LRRC4C: variants seen among roughly 807,000 people sequenced by gnomAD.
The protein encoded by LRRC4C is leucine rich repeat containing 4C.
A neutral mutation model predicts 33.6 loss-of-function variants in LRRC4C; 5 were observed. The ratio of observed to expected loss-of-function variants is 0.15; its 90% CI spans 0.08 to 0.31. LRRC4C has a LOEUF of 0.31. Ranked by LOEUF, LRRC4C falls within the 10% of genes least tolerant of loss-of-function variation. The probability of loss-of-function intolerance (pLI) is 1.00; values close to 1 mark genes in which losing one functional copy is unlikely to be tolerated. For missense variants in LRRC4C, 560 were observed against 796.7 expected (o/e 0.70, Z 3.58); for synonymous variants, 329 against 302.0 (o/e 1.09, Z -0.93).
intron 3 of LRRC4C, among the ~76,000 whole-genome samples, chr11:40,610,548 C>T (rs916903660): frequency 1.4e-5 from 2 of 145,824 alleles, no homozygotes; most frequent in African/African-American, 4.9e-5. Flanking sequence ...GAAAAAGTAA[C>T]AAAAAGCGTT....
intron 1 of LRRC4C, among the ~76,000 whole-genome samples, chr11:40,941,983 G>A (rs112143141): frequency 6.6e-6 from 1 of 152,192 alleles, no homozygotes; most frequent in East Asian, 1.9e-4. Context: ...TAAATTTATT[G>A]GCAGATATTA....
In LRRC4C at chr11:40,956,359, AGT is replaced by A. The variant is rs148525963; in HGVS notation, c.-495-22638_-495-22637del. Among the ~76,000 whole-genome samples, 281 of 151,916 alleles carry A rather than the reference AGT, an allele frequency of 1.8e-3. 8 individuals are homozygous for A. The East Asian group carries it at 0.048, about 26-fold the overall frequency. Reference sequence around the variant, plus strand: ...CTGCCTAAGTCTCAGTGATTTAGGTAGTGAGCATTGCAATTTGCTGGTAGACA... The same window carrying A: ...CTGCCTAAGTCTCAGTGATTTAGGTAGAGCATTGCAATTTGCTGGTAGACA... On this transcript the variant is annotated intron_variant, in intron 1 of 6. Transcript: ENST00000528697.
At chr11:41,264,659 C>T (rs566278783) in intron 1 of LRRC4C, among the ~76,000 whole-genome samples, 2 of 152,104 alleles carry the variant, frequency 1.3e-5, no homozygotes, top group South Asian at 2.1e-4. Context: ...ATATAAGAAA[C>T]AAGTAGTATA....
intron 3 of LRRC4C, among the ~76,000 whole-genome samples, chr11:40,430,543 A>G (rs1950880110): frequency 6.6e-6 from 1 of 152,120 alleles, no homozygotes; most frequent in Admixed American, 6.5e-5. Context: ...TCTTACATAG[A>G]TACAATTGTC....
intron 3 of LRRC4C, among the ~76,000 whole-genome samples, chr11:40,488,677 A>T (rs1293859139): frequency 6.6e-6 from 1 of 151,958 alleles, no homozygotes; most frequent in African/African-American, 2.4e-5. Context: ...TTCTTACGTG[A>T]CTAAATCCTA....
intron 1 of LRRC4C, among the ~76,000 whole-genome samples, chr11:41,331,543 ACT>A (rs1171180844): frequency 1.4e-4 from 21 of 152,004 alleles, no homozygotes; most frequent in African/African-American, 4.6e-4. Context: ...CCCTTCACTC[ACT>A]CTGCTCCCAG....
At chr11:40,166,235 C>G (rs1377109227) in intron 5 of LRRC4C, among the ~76,000 whole-genome samples, 1 of 152,148 alleles carries the variant, frequency 6.6e-6, no homozygotes, top group African/African-American at 2.4e-5. Flanking sequence ...ATTCAATGAA[C>G]AGATACACTG....
At chr11:40,767,989 G>A (rs947399873) in intron 2 of LRRC4C, among the ~76,000 whole-genome samples, 1 of 151,612 alleles carries the variant, frequency 6.6e-6, no homozygotes, top group Non-Finnish European at 1.5e-5. Flanking sequence ...AAGAGCAGAA[G>A]CAAAATTGAA....
chr11:41,087,249 G>T (rs186250211), intron 1 of LRRC4C, among the ~76,000 whole-genome samples: 1 of 151,804 alleles, frequency 6.6e-6, no homozygotes, highest in African/African-American at 2.4e-5. Context: ...CTGAATCCAC[G>T]CCCATTTCAG....
At chr11:40,139,897 C>T (rs1474127022) in intron 6 of LRRC4C, among the ~76,000 whole-genome samples, 3 of 152,208 alleles carry the variant, frequency 2.0e-5, no homozygotes, top group Non-Finnish European at 4.4e-5. Flanking sequence ...CATCACTGTT[C>T]TGTCTCTGAT....
At chr11:41,058,307 G>T (rs1404123771) in intron 1 of LRRC4C, among the ~76,000 whole-genome samples, 2 of 152,226 alleles carry the variant, frequency 1.3e-5, no homozygotes, top group African/African-American at 4.8e-5. Flanking sequence ...CAGCTGGTCT[G>T]GCTGCAGCCT....
At chr11:40,748,875 A>G (rs1308199362) in intron 2 of LRRC4C, among the ~76,000 whole-genome samples, 1 of 152,160 alleles carries the variant, frequency 6.6e-6, no homozygotes. Flanking sequence ...AAACTGTAGT[A>G]AAAGACAAAA....
chr11:40,941,023 A>G (rs1440779756), intron 1 of LRRC4C, among the ~76,000 whole-genome samples: 1 of 151,894 alleles, frequency 6.6e-6, no homozygotes, highest in African/African-American at 2.4e-5. Flanking sequence ...CAGAAATCTT[A>G]AATACGAAAA....
chr11:40,992,841 C>T (rs1853680252), intron 1 of LRRC4C, among the ~76,000 whole-genome samples: 1 of 152,110 alleles, frequency 6.6e-6, no homozygotes, highest in South Asian at 2.1e-4. Flanking sequence ...TGTCAAATGT[C>T]TCTCTGAAAT....
intron 4 of LRRC4C, among the ~76,000 whole-genome samples, chr11:40,308,618 G>A (rs994428749): frequency 6.6e-6 from 1 of 152,104 alleles, no homozygotes; most frequent in South Asian, 2.1e-4. Context: ...ATAATTGCTG[G>A]GCAAGTGACT....
intron 1 of LRRC4C, among the ~76,000 whole-genome samples, chr11:41,292,740 A>C (rs958446143): frequency 1.3e-5 from 2 of 152,124 alleles, no homozygotes; most frequent in South Asian, 2.1e-4. Flanking sequence ...CATCTCAATT[A>C]ATCCTTTGGA....
intron 3 of LRRC4C, among the ~76,000 whole-genome samples, chr11:40,563,023 C>T (rs1957612691): frequency 6.6e-6 from 1 of 151,698 alleles, no homozygotes; most frequent in Non-Finnish European, 1.5e-5. Flanking sequence ...CTCCTCTCCT[C>T]TCCTCTTGAT....
intron 1 of LRRC4C, among the ~76,000 whole-genome samples, chr11:40,962,314 A>G (rs1353382765): frequency 6.6e-6 from 1 of 151,602 alleles, no homozygotes; most frequent in Non-Finnish European, 1.5e-5. Context: ...TTAGAAGGAA[A>G]GCAGGCCTGC....
chr11:41,424,544 G>A (rs1262090080), intron 1 of LRRC4C, among the ~76,000 whole-genome samples: 1 of 152,046 alleles, frequency 6.6e-6, no homozygotes, highest in African/African-American at 2.4e-5. Flanking sequence ...TAAATTGGGG[G>A]TTGAGGGTGA....
Sources: allele counts gnomAD v4.1 joint callset (sites outside exome capture counted in the v4.1 genomes callset), GRCh38; gene constraint gnomAD v4.1.1; transcripts MANE v1.5; gene names NCBI Gene and HGNC (gene_info 2026-07-23, HGNC 2026-07-21).